The following CASR variants were observed in gnomAD, a reference collection of about 807,000 sequenced individuals.
CASR encodes the protein calcium sensing receptor, also known as extracellular calcium-sensing receptor.
Under a neutral mutation model 69.1 loss-of-function variants are expected in CASR, and 23 were observed. The ratio of observed to expected loss-of-function variants is 0.33; its 90% CI spans 0.24 to 0.47. The LOEUF is 0.47. Ranked by LOEUF, CASR falls within the 20% of genes least tolerant of loss-of-function variation. CASR has a pLI of 1.00. For missense variants in CASR, 924 were observed against 1,356.1 expected (o/e 0.68, Z 5.00); for synonymous variants, 541 against 544.7 (o/e 0.99, Z 0.10).
Position 122,254,234 on chromosome 3 carries a change from G to A in CASR, c.45G>A (p.Trp15Ter). 1 of 1,613,764 alleles carries A rather than the reference G, an allele frequency of 6.2e-7. No individual in the cohort carries two copies. Among genetic ancestry groups the A allele is most frequent in the Non-Finnish European group, 8.5e-7 (1 of 1,180,008 alleles). Residue 15 changes from tryptophan to a stop codon, truncating the protein, a stop_gained, in exon 2 of 7, where the codon TGG (tryptophan) becomes TGA (stop). Transcript: ENST00000639785. LOFTEE classifies it high-confidence loss of function. ...SCCWVLLALT[W>*]HTSAYGPDQR... Reference sequence around the variant, plus strand: ...GCTGGGTCCTCTTGGCACTCACCTGGCACACCTCTGCCTACGGGCCAGACC... The same window carrying A: ...GCTGGGTCCTCTTGGCACTCACCTGACACACCTCTGCCTACGGGCCAGACC...
At chr3:122,264,139 T>C (rs979836257) in intron 4 of CASR, among the ~76,000 whole-genome samples, 9 of 147,372 alleles carry the variant, frequency 6.1e-5, no homozygotes, top group Admixed American at 6.8e-5. Context: ...CAGGCTACAG[T>C]CACAACTGGG....
intron 1 of CASR, among the ~76,000 whole-genome samples, chr3:122,253,740 C>T (rs553036220): frequency 2.7e-4 from 41 of 152,334 alleles, no homozygotes; most frequent in African/African-American, 9.9e-4. Context: ...CCTCTCATAA[C>T]CTAACATAGT....
intron 1 of CASR, among the ~76,000 whole-genome samples, chr3:122,212,719 A>G (rs1388019234): frequency 6.7e-6 from 1 of 150,198 alleles, no homozygotes; most frequent in East Asian, 2.0e-4. Flanking sequence ...TCGGCTCACC[A>G]CAACCTCCGC....
chr3:122,243,600 T>G (rs2074399214), intron 1 of CASR, among the ~76,000 whole-genome samples: 1 of 152,148 alleles, frequency 6.6e-6, no homozygotes, highest in Non-Finnish European at 1.5e-5. Flanking sequence ...ACAACCACTA[T>G]GCAGAACTGT....
chr3:122,237,506 C>T (rs1313176201), intron 1 of CASR, among the ~76,000 whole-genome samples: 1 of 152,066 alleles, frequency 6.6e-6, no homozygotes. Flanking sequence ...AAATGCCCAC[C>T]AATGGGAAAA....
chr3:122,202,104 G>A (rs9821128), intron 1 of CASR, among the ~76,000 whole-genome samples: 30,290 of 151,804 alleles, frequency 0.2, 3,854 homozygotes, highest in Admixed American at 0.39. Context: ...CCGAGATCAC[G>A]CCACTGCACT....
chr3:122,196,593 G>A (rs1335293884), intron 1 of CASR, among the ~76,000 whole-genome samples: 3 of 151,720 alleles, frequency 2.0e-5, no homozygotes, highest in Non-Finnish European at 4.4e-5. Flanking sequence ...GCTGGAGTGC[G>A]GTGGTGAAAT....
At chr3:122,224,221 G>T (rs1303801098) in intron 1 of CASR, among the ~76,000 whole-genome samples, 3 of 152,094 alleles carry the variant, frequency 2.0e-5, no homozygotes, top group Admixed American at 2.0e-4. Flanking sequence ...GAAATAAAAG[G>T]CATCTAAATA....
chr3:122,202,155 G>A (rs943443106), intron 1 of CASR, among the ~76,000 whole-genome samples: 2 of 152,224 alleles, frequency 1.3e-5, no homozygotes, highest in African/African-American at 2.4e-5. Flanking sequence ...ACCAGACTCC[G>A]TCTGCAATCC....
At chr3:122,230,629 G>A (rs1227835167) in intron 1 of CASR, among the ~76,000 whole-genome samples, 1 of 152,196 alleles carries the variant, frequency 6.6e-6, no homozygotes, top group Non-Finnish European at 1.5e-5. Flanking sequence ...GCAGGACTTG[G>A]AAAGGAACCA....
At chr3:122,205,398 T>A (rs2073997083) in intron 1 of CASR, among the ~76,000 whole-genome samples, 1 of 152,068 alleles carries the variant, frequency 6.6e-6, no homozygotes. Flanking sequence ...AATGCATGGA[T>A]TTCTATCTGG....
At chr3:122,222,053 T>C (rs1193523822) in intron 1 of CASR, among the ~76,000 whole-genome samples, 1 of 152,226 alleles carries the variant, frequency 6.6e-6, no homozygotes, top group Non-Finnish European at 1.5e-5. Context: ...GAGAACTGGC[T>C]GACAGCTTTC....
intron 1 of CASR, among the ~76,000 whole-genome samples, chr3:122,229,169 C>T (rs968230693): frequency 6.6e-6 from 1 of 152,212 alleles, no homozygotes; most frequent in Non-Finnish European, 1.5e-5. Context: ...TTATTGTAAA[C>T]AGTCTTAAAT....
chr3:122,257,520 T>C (rs2107628087), intron 3 of CASR, 133 bp downstream of exon 3: 1 of 643,616 alleles, frequency 1.6e-6, no homozygotes, highest in East Asian at 2.7e-5. Flanking sequence ...TTAGTTGATA[T>C]GCTGTATCAT....
chr3:122,185,938 A>G (rs974132548), intron 1 of CASR, among the ~76,000 whole-genome samples: 2 of 151,930 alleles, frequency 1.3e-5, no homozygotes, highest in African/African-American at 4.8e-5. Flanking sequence ...ATTTGGGAAC[A>G]GTCTCCATAT....
intron 1 of CASR, among the ~76,000 whole-genome samples, chr3:122,194,135 C>T (rs538367238): frequency 1.6e-4 from 24 of 152,284 alleles, no homozygotes; most frequent in Admixed American, 1.3e-3. Context: ...TACTTAATTC[C>T]TGCAGAGTCC....
At chr3:122,234,498 A>C (rs2074310301) in intron 1 of CASR, among the ~76,000 whole-genome samples, 1 of 152,256 alleles carries the variant, frequency 6.6e-6, no homozygotes, top group African/African-American at 2.4e-5. Flanking sequence ...GTTTAAAATC[A>C]GTTTGGAAAC....
At chr3:122,270,139 G>T (rs2074742681) in intron 4 of CASR, among the ~76,000 whole-genome samples, 1 of 152,156 alleles carries the variant, frequency 6.6e-6, no homozygotes, top group African/African-American at 2.4e-5. Context: ...ACTGTCCATG[G>T]CCTGTGGGAA....
At chr3:122,278,795 T>C (rs1205940807) in intron 5 of CASR, among the ~76,000 whole-genome samples, 4 of 152,146 alleles carry the variant, frequency 2.6e-5, no homozygotes, top group Non-Finnish European at 4.4e-5. Flanking sequence ...ATCTCAGCTC[T>C]CCAGTCAAGC....
Sources: gnomAD v4.1 joint callset for allele counts (sites outside exome capture counted in the v4.1 genomes callset) on GRCh38, gnomAD v4.1.1 for gene constraint, MANE v1.5 for transcripts, NCBI Gene and HGNC (gene_info 2026-07-23, HGNC 2026-07-21) for gene names.